NDC80: variants seen among roughly 807,000 people sequenced by gnomAD.
The protein encoded by NDC80 is NDC80 kinetochore complex component.
NDC80 carries 69 observed loss-of-function variants against 89.3 expected under a neutral mutation model. The observed-to-expected ratio is 0.77, with a 90% CI of 0.64 to 0.94. The LOEUF (loss-of-function observed/expected upper bound fraction) is 0.94, where lower values mean the gene tolerates loss of function less well. NDC80 is among the 40% of genes least tolerant of loss of function. NDC80 has a pLI of 0.00. For missense variants in NDC80, 593 were observed against 739.6 expected (o/e 0.80, Z 2.30); for synonymous variants, 243 against 255.6 (o/e 0.95, Z 0.47).
intron 11 of NDC80, among the ~76,000 whole-genome samples, chr18:2,597,468 C>T (rs1195571095): frequency 2.0e-5 from 3 of 152,144 alleles, no homozygotes; most frequent in African/African-American, 7.2e-5. Flanking sequence ...CAGTGGCACA[C>T]GCCTGTAATC....
chr18:2,578,471 G>C (rs994784549), intron 5 of NDC80, among the ~76,000 whole-genome samples: 1 of 152,002 alleles, frequency 6.6e-6, no homozygotes, highest in African/African-American at 2.4e-5. Flanking sequence ...AGAATATAAA[G>C]CCCTGAACTG....
chr18:2,604,908 A>G (rs992675690), intron 13 of NDC80, among the ~76,000 whole-genome samples: 1 of 152,218 alleles, frequency 6.6e-6, no homozygotes, highest in African/African-American at 2.4e-5. Flanking sequence ...TTTGAAGAAT[A>G]GATGAGAGGT....
intron 13 of NDC80, among the ~76,000 whole-genome samples, chr18:2,601,823 G>A (rs1052865423): frequency 3.3e-5 from 5 of 151,904 alleles, no homozygotes; most frequent in Admixed American, 1.3e-4. Flanking sequence ...GTATAATTAC[G>A]GCGTTAGAAG....
chr18:2,593,540 G>A (rs964340775), intron 10 of NDC80: 1 of 155,114 alleles, frequency 6.4e-6, no homozygotes, highest in African/African-American at 2.4e-5. Flanking sequence ...TTAATTATGT[G>A]TCCTTTTAAA....
At chr18:2,603,205 G>A (rs2072692706) in intron 13 of NDC80, among the ~76,000 whole-genome samples, 1 of 151,976 alleles carries the variant, frequency 6.6e-6, no homozygotes, top group Admixed American at 6.6e-5. Context: ...AGCCATATAT[G>A]TGGATGAATG....
At chr18:2,607,955 T>A (rs886206386) in intron 14 of NDC80, among the ~76,000 whole-genome samples, 19 of 106,906 alleles carry the variant, frequency 1.8e-4, no homozygotes, top group South Asian at 3.3e-4. Flanking sequence ...TTATTTTACA[T>A]ATATACATAG....
At chr18:2,608,570 T>C in intron 14 of NDC80, 130 bp from the exon 15 acceptor site, 1 of 961,326 alleles carries the variant, frequency 1.0e-6, no homozygotes, top group Non-Finnish European at 1.5e-6. Flanking sequence ...TGTAAAACAG[T>C]AAGCATCTTG....
intron 15 of NDC80, 85 bp from the exon 16 acceptor site, chr18:2,610,674 A>G: frequency 1.3e-6 from 1 of 785,922 alleles, no homozygotes. Flanking sequence ...GGTTTTTTTG[A>G]ATGTGGAAAT....
chr18:2,599,083 C>G lies in NDC80; in HGVS notation c.1286C>G (p.Ala429Gly), dbSNP rs563049338. The G allele has an allele frequency of 5.6e-6, 9 of 1,612,772 alleles. No homozygotes were observed. The highest frequency in any genetic ancestry group is 7.6e-6 in the Non-Finnish European group (9 of 1,179,376). The change falls in exon 12 of 17, where the codon GCT becomes GGT. Residue 429 changes from alanine (A) to glycine (G), a missense_variant. Physicochemically the swap from Ala to Gly is moderately conservative, Grantham distance 60 (BLOSUM62 0). Coordinates refer to ENST00000261597, the MANE Select transcript of NDC80 (RefSeq NM_006101.3). Reference protein sequence around the residue: ...ARKLKLIPKGAENSKGYDFEI... With the variant: ...ARKLKLIPKGGENSKGYDFEI... ...AAATTAAAACTTATTCCTAAAGGTG[C>G]TGAGAATTCCAAAGGTTATGACTTT... is the stretch of plus-strand genomic sequence containing the variant.
intron 13 of NDC80, 133 bp downstream of exon 13, chr18:2,601,618 T>C: frequency 2.2e-6 from 1 of 448,396 alleles, no homozygotes; most frequent in Non-Finnish European, 4.0e-6. Context: ...GAGAATTGGG[T>C]ATGCTCTCGA....
intron 8 of NDC80, among the ~76,000 whole-genome samples, 177 bp downstream of exon 8, chr18:2,588,100 A>G (rs2072610819): frequency 6.6e-6 from 1 of 152,196 alleles, no homozygotes. Context: ...CAAAAAGAAT[A>G]CTAGTGTTGG....
At chr18:2,574,314 G>T (rs1386318826) in intron 2 of NDC80, among the ~76,000 whole-genome samples, 1 of 152,100 alleles carries the variant, frequency 6.6e-6, no homozygotes, top group Non-Finnish European at 1.5e-5. Context: ...ACTGTATAAT[G>T]ACTATAGTTA....
At chr18:2,598,939 T>C in intron 11 of NDC80, 80 bp from the exon 12 acceptor site, 1 of 1,371,082 alleles carries the variant, frequency 7.3e-7, no homozygotes, top group Non-Finnish European at 9.7e-7. Context: ...ATGTTTTGTA[T>C]AAAATTTTAG....
At chr18:2,605,120 G>A (rs918233802) in intron 13 of NDC80, among the ~76,000 whole-genome samples, 2 of 152,116 alleles carry the variant, frequency 1.3e-5, no homozygotes, top group Non-Finnish European at 2.9e-5. Flanking sequence ...TTTGGCAGAT[G>A]GGTATGTGGT....
intron 13 of NDC80, among the ~76,000 whole-genome samples, chr18:2,603,011 A>C (rs1423179414): frequency 6.6e-6 from 1 of 152,164 alleles, no homozygotes; most frequent in Non-Finnish European, 1.5e-5. Context: ...GATGTGGGCA[A>C]CTGAGTGAAT....
At chr18:2,600,032 C>A (rs903346562) in intron 12 of NDC80, among the ~76,000 whole-genome samples, 1 of 152,100 alleles carries the variant, frequency 6.6e-6, no homozygotes, top group Non-Finnish European at 1.5e-5. Context: ...AGAAAAAATA[C>A]ATCCAGTAAA....
chr18:2,600,153 C>T (rs2072677113), intron 12 of NDC80, among the ~76,000 whole-genome samples: 1 of 152,104 alleles, frequency 6.6e-6, no homozygotes, highest in Non-Finnish European at 1.5e-5. Flanking sequence ...GAATCACATT[C>T]TTGTAGAAAA....
intron 3 of NDC80, among the ~76,000 whole-genome samples, chr18:2,577,058 A>G (rs1381899452): frequency 6.6e-6 from 1 of 152,202 alleles, no homozygotes; most frequent in Non-Finnish European, 1.5e-5. Flanking sequence ...AATGTAATTC[A>G]TCTCAGAGCT....
intron 16 of NDC80, chr18:2,615,382 T>G (rs1280832496): frequency 6.6e-6 from 1 of 152,254 alleles, no homozygotes; most frequent in African/African-American, 2.4e-5. Context: ...AGAGGCCACC[T>G]ACAGTCCTTG....
Sources: allele counts gnomAD v4.1 joint callset (sites outside exome capture counted in the v4.1 genomes callset), GRCh38; gene constraint gnomAD v4.1.1; transcripts MANE v1.5; gene names NCBI Gene and HGNC (gene_info 2026-07-23, HGNC 2026-07-21).